The following SGSM1 variants were observed in gnomAD, a reference collection of about 807,000 sequenced individuals.
SGSM1 encodes the protein small G protein signaling modulator 1.
SGSM1 carries 73 observed loss-of-function variants against 133.8 expected under a neutral mutation model. The ratio of observed to expected loss-of-function variants is 0.55; its 90% confidence interval spans 0.45 to 0.66. SGSM1 has a LOEUF of 0.66. SGSM1 is among the 30% of genes least tolerant of loss of function. The pLI is 0.00. For missense variants in SGSM1, 1,213 were observed against 1,448.1 expected (o/e 0.84, Z 2.64); for synonymous variants, 563 against 573.0 (o/e 0.98, Z 0.25).
At chr22:24,919,775 C>T in intron 23 of SGSM1, 51 bp from the exon 24 acceptor site, 1 of 1,605,836 alleles carries the variant, frequency 6.2e-7, no homozygotes, top group Non-Finnish European at 8.5e-7. Context: ...CAGGGCAACA[C>T]TGTGAGCCCC....
At chr22:24,847,857 T>G (rs777154497) in intron 4 of SGSM1, 61 bp downstream of exon 4, 7 of 1,573,614 alleles carry the variant, frequency 4.4e-6, no homozygotes, top group Non-Finnish European at 6.1e-6. Flanking sequence ...CAGTCCTCCC[T>G]GGGTCCTGAG....
intron 2 of SGSM1, among the ~76,000 whole-genome samples, chr22:24,825,307 C>T (rs1373955206): frequency 6.6e-6 from 1 of 152,216 alleles, no homozygotes; most frequent in Non-Finnish European, 1.5e-5. Flanking sequence ...AGGTGCCTGT[C>T]AGAGCAGCAG....
rs1601874686 is a variant in SGSM1 at position 24,806,258 on chromosome 22, G to C, written c.-68G>C. 4 of 1,356,660 alleles carry C rather than the reference G, an allele frequency of 2.9e-6. No individual in the cohort carries two copies. Among genetic ancestry groups the C allele is most frequent in the East Asian group, 6.2e-5 (2 of 32,260 alleles). 84.0% of individuals were successfully genotyped at this position (1,356,660 alleles called of 1,614,324 possible). On this transcript the variant is annotated 5_prime_UTR_variant, in exon 1 of 25. Coordinates refer to ENST00000400358, the MANE Select transcript of SGSM1 (RefSeq NM_001098497.3). ...GCCGCGGCTGCAGCAGCAGCGCCGC[G>C]GCCGGAGGAGCTACCGCCGCCACCG... is the stretch of plus-strand genomic sequence containing the variant.
chr22:24,906,085 C>G (rs1933367366), intron 21 of SGSM1, among the ~76,000 whole-genome samples: 1 of 152,130 alleles, frequency 6.6e-6, no homozygotes, highest in South Asian at 2.1e-4. Flanking sequence ...TAGGGCTTAT[C>G]TCCAGAATGC....
intron 10 of SGSM1, among the ~76,000 whole-genome samples, chr22:24,867,954 A>G (rs956039309): frequency 6.6e-6 from 1 of 152,214 alleles, no homozygotes; most frequent in African/African-American, 2.4e-5. Flanking sequence ...TGCCTCTAAC[A>G]TGCTGCGCTT....
At chr22:24,815,762 G>A (rs1489600708) in intron 2 of SGSM1, among the ~76,000 whole-genome samples, 2 of 152,062 alleles carry the variant, frequency 1.3e-5, no homozygotes, top group Non-Finnish European at 2.9e-5. Context: ...TGGAATTAGA[G>A]AGGGGTAAGG....
At chr22:24,839,562 G>A (rs931260584) in intron 2 of SGSM1, among the ~76,000 whole-genome samples, 2 of 152,176 alleles carry the variant, frequency 1.3e-5, no homozygotes, top group Non-Finnish European at 2.9e-5. Context: ...AGAAGAATTA[G>A]TTTAATTATT....
At chr22:24,881,779 G>T (rs945772995) in intron 14 of SGSM1, among the ~76,000 whole-genome samples, 1 of 152,138 alleles carries the variant, frequency 6.6e-6, no homozygotes, top group Non-Finnish European at 1.5e-5. Context: ...AGAAGGTCCA[G>T]GGTTCTCTCT....
rs1178919815 is a variant in SGSM1, at chr22:24,898,323, A to G, written c.2374A>G (p.Met792Val). ...GAGTGACCTCCTGGCCAACGAGAGCATGGACGAGTTCATGTCCATCACGGG... is the reference window on the plus strand; with the variant it reads ...GAGTGACCTCCTGGCCAACGAGAGCGTGGACGAGTTCATGTCCATCACGGG... The part of the protein sequence containing the change: ...LESDLLANES[M>V]DEFMSITGSL... The change falls in exon 19 of 25, where the codon ATG becomes GTG. Residue 792 changes from methionine to valine, a missense_variant. By Grantham distance (21) the Met-to-Val change is conservative. Coordinates refer to ENST00000400358, the MANE Select transcript of SGSM1 (RefSeq NM_001098497.3). The G allele has an allele frequency of 1.2e-6, 2 of 1,613,966 alleles. No homozygotes were observed. The highest frequency in any genetic ancestry group is 1.7e-6 in the Non-Finnish European group (2 of 1,179,872).
intron 3 of SGSM1, among the ~76,000 whole-genome samples, chr22:24,845,623 G>A (rs1052263763): frequency 4.6e-5 from 7 of 152,198 alleles, no homozygotes; most frequent in African/African-American, 1.2e-4. Flanking sequence ...CATAATGCAG[G>A]ACATGTTCTA....
At chr22:24,879,432 C>A in intron 13 of SGSM1, 30 bp from the exon 14 acceptor site, 1 of 1,610,702 alleles carries the variant, frequency 6.2e-7, no homozygotes, top group Non-Finnish European at 8.5e-7. Context: ...TGGATCTATT[C>A]TAAGCATCTC....
chr22:24,846,543 T>C (rs1371215411), intron 3 of SGSM1, among the ~76,000 whole-genome samples: 2 of 152,174 alleles, frequency 1.3e-5, no homozygotes, highest in African/African-American at 2.4e-5. Flanking sequence ...ATAAAAATAG[T>C]ATAATAATTC....
At chr22:24,873,593 A>G (rs1036536717) in intron 12 of SGSM1, among the ~76,000 whole-genome samples, 4 of 152,132 alleles carry the variant, frequency 2.6e-5, no homozygotes, top group Non-Finnish European at 5.9e-5. Flanking sequence ...GCTCATGCCT[A>G]TAATCCCAGC....
intron 12 of SGSM1, among the ~76,000 whole-genome samples, chr22:24,870,295 G>A (rs1290819419): frequency 6.6e-6 from 1 of 152,186 alleles, no homozygotes; most frequent in African/African-American, 2.4e-5. Context: ...AATCCCCTGG[G>A]ATGTTGAGCC....
intron 14 of SGSM1, among the ~76,000 whole-genome samples, chr22:24,881,342 G>A (rs777935035): frequency 1.4e-5 from 2 of 146,602 alleles, no homozygotes; most frequent in African/African-American, 2.5e-5. Flanking sequence ...CTAGGTGGGC[G>A]GATCACGAGG....
At chr22:24,808,470 G>C (rs191358110) in intron 2 of SGSM1, among the ~76,000 whole-genome samples, 1 of 152,172 alleles carries the variant, frequency 6.6e-6, no homozygotes, top group Non-Finnish European at 1.5e-5. Flanking sequence ...ACTTTCAGTG[G>C]AGGGGCATGT....
intron 8 of SGSM1, among the ~76,000 whole-genome samples, chr22:24,859,365 C>G (rs2147859544): frequency 6.6e-6 from 1 of 152,278 alleles, no homozygotes; most frequent in East Asian, 1.9e-4. Flanking sequence ...TAAATGCCTT[C>G]TGTTTTGAAA....
chr22:24,900,900 C>T (rs1303049497), intron 19 of SGSM1, among the ~76,000 whole-genome samples: 1 of 152,118 alleles, frequency 6.6e-6, no homozygotes, highest in Non-Finnish European at 1.5e-5. Flanking sequence ...ATTTAAGACC[C>T]AGGTGGAAGG....
chr22:24,891,269 A>G (rs1432520865), intron 16 of SGSM1, among the ~76,000 whole-genome samples: 1 of 152,182 alleles, frequency 6.6e-6, no homozygotes, highest in Non-Finnish European at 1.5e-5. Context: ...CTGAGACGGG[A>G]GGATTGCTTG....
Sources: allele counts gnomAD v4.1 joint callset (sites outside exome capture counted in the v4.1 genomes callset), GRCh38; gene constraint gnomAD v4.1.1; transcripts MANE v1.5; gene names NCBI Gene and HGNC (gene_info 2026-07-23, HGNC 2026-07-21).